Variants in ADAR observed in about 807,000 individuals in gnomAD.
The protein encoded by ADAR is adenosine deaminase RNA specific.
ADAR carries 41 observed loss-of-function variants against 113.2 expected under a neutral mutation model. The ratio of observed to expected loss-of-function variants is 0.36; its 90% CI spans 0.28 to 0.47. ADAR has a LOEUF of 0.47. Among genes scored for constraint, ADAR ranks in the 20% least tolerant of loss-of-function variants. ADAR has a pLI of 1.00. For synonymous variants in ADAR, 605 were observed against 572.6 expected, an observed-to-expected ratio of 1.06 and a Z score of -0.81; for missense variants, 1,242 against 1,540.9, an observed-to-expected ratio of 0.81 and a Z score of 3.25.
In ADAR at chr1:154,584,969, T is replaced by C; in HGVS notation, c.3518A>G (p.Tyr1173Cys). 3.1e-6 allele frequency: 5 copies of C among 1,614,162 alleles called. No individual in the cohort carries two copies. Among genetic ancestry groups the C allele is most frequent in the Non-Finnish European group, 4.2e-6 (5 of 1,180,042 alleles). ...LLFKKLCSFR[Y>C]RRDLLRLSYG... ...GGAGAGTCTCAGTAGATCCCTGCGG[T>C]AACGGAAGGAGCAGAGCTTCTTAAA... is the stretch of plus-strand genomic sequence containing the variant. Residue 1173 changes from tyrosine to cysteine, a missense_variant, in exon 15 of 15, where the codon TAC becomes TGC. Transcript: ENST00000368474.
chr1:154,590,141 A>AGGCC, intron 7 of ADAR, 43 bp downstream of exon 7: 2 of 760,858 alleles, frequency 2.6e-6, no homozygotes, highest in Non-Finnish European at 2.2e-6. Context: ...AGTTAGGAGG[A>AGGCC]CCCCCCCGCC....
At chr1:154,604,287 T>C (rs1557891907) in intron 1 of ADAR, among the ~76,000 whole-genome samples, 1 of 152,240 alleles carries the variant, frequency 6.6e-6, no homozygotes, top group Non-Finnish European at 1.5e-5. Context: ...TTCTACAACT[T>C]CACTCCTTAC....
intron 6 of ADAR, among the ~76,000 whole-genome samples, chr1:154,590,937 C>T (rs887833640): frequency 1.3e-5 from 2 of 151,984 alleles, no homozygotes; most frequent in East Asian, 3.8e-4. Flanking sequence ...CTGCGCGAGA[C>T]AGCAAGATCC....
At chr1:154,606,449 A>T (rs541841586) in intron 1 of ADAR, among the ~76,000 whole-genome samples, 30 of 152,272 alleles carry the variant, frequency 2.0e-4, no homozygotes, top group African/African-American at 7.0e-4. Flanking sequence ...GTACATTATA[A>T]TTTTTTTCCC....
rs1268584120 is a variant in ADAR at position 154,583,162 on chromosome 1, G to A, written c.*1644C>T. The A allele has an allele frequency of 6.6e-6, 1 of 152,180 alleles. No individual in the cohort carries two copies. The highest frequency in any genetic ancestry group is 1.5e-5 in the Non-Finnish European group (1 of 68,024). The allele number at this position is 152,180 out of a possible 1,614,324, so 9.4% of individuals were successfully genotyped here. On this transcript the variant is annotated 3_prime_UTR_variant, in exon 15 of 15. Transcript: ENST00000368474. ...AAGGAGAGAGGCAGGCTCAGCTCCT[G>A]AAGGTCGCAGAGCCTCAGTAGTCCT...
chr1:154,627,918 T>TCCCCCC (rs758896648), exon 1 of ADAR: 72 of 399,492 alleles, frequency 1.8e-4, no homozygotes, highest in South Asian at 4.0e-4. Context: ...GCCGCGACCC[T>TCCCCCC]CCCCCCACCC....
chr1:154,589,666 C>G (rs931634512), intron 8 of ADAR, 91 bp downstream of exon 8: 8 of 1,516,558 alleles, frequency 5.3e-6, no homozygotes, highest in Non-Finnish European at 7.3e-6. Flanking sequence ...TTCTCCCTGC[C>G]TTGGACTTAC....
chr1:154,623,926 C>CT (rs1229699609), intron 1 of ADAR, among the ~76,000 whole-genome samples: 4 of 151,768 alleles, frequency 2.6e-5, no homozygotes, highest in African/African-American at 9.7e-5. Flanking sequence ...TCACTTGAAC[C>CT]TGGGAGGTGG....
chr1:154,587,130 G>A (rs1472020813), intron 11 of ADAR, among the ~76,000 whole-genome samples: 1 of 152,144 alleles, frequency 6.6e-6, no homozygotes, highest in East Asian at 1.9e-4. Flanking sequence ...CATTGGCGCA[G>A]TCACTCCTCA....
rs544656502 is a variant in ADAR, at chr1:154,590,717, G to T, written c.2271-308C>A. On this transcript the variant is annotated intron_variant, in intron 6 of 14. Transcript: ENST00000368474. The stretch of plus-strand genomic sequence containing the variant: ...GAGCTAAGGTGGGAGATCACTTGAG[G>T]CCAGGAGTTCAAGACCAGCCTGGGC... 1.2e-4 allele frequency among the ~76,000 whole-genome samples: 18 copies of T among 151,886 alleles called. No individual in the cohort carries two copies. In the East Asian group the frequency reaches 3.5e-3, roughly 29 times the overall value.
chr1:154,586,106 G>A, intron 12 of ADAR, 75 bp downstream of exon 12: 2 of 1,565,002 alleles, frequency 1.3e-6, no homozygotes, highest in Non-Finnish European at 1.8e-6. Flanking sequence ...AAAACACCTG[G>A]CAATAAAGCA....
At chr1:154,622,890 G>A (rs561890473) in intron 1 of ADAR, among the ~76,000 whole-genome samples, 1 of 89,952 alleles carries the variant, frequency 1.1e-5, no homozygotes. Context: ...AGGTAGTTTT[G>A]TTTTGCTTTG....
At chr1:154,589,069 A>G (rs1355504841) in intron 9 of ADAR, among the ~76,000 whole-genome samples, 3 of 152,228 alleles carry the variant, frequency 2.0e-5, no homozygotes, top group Non-Finnish European at 4.4e-5. Flanking sequence ...CCTCATCCTC[A>G]AGGCCCTGAG....
intron 6 of ADAR, among the ~76,000 whole-genome samples, chr1:154,592,474 G>C (rs901318774): frequency 6.6e-6 from 1 of 152,234 alleles, no homozygotes; most frequent in Non-Finnish European, 1.5e-5. Flanking sequence ...GATCAGTTAG[G>C]AGGCTATTGT....
rs1423795702 is a variant in ADAR at position 154,597,891 on chromosome 1, T to C, written c.1871A>G (p.His624Arg). 2.5e-6 allele frequency: 4 copies of C among 1,614,118 alleles called. No individual in the cohort carries two copies. Among genetic ancestry groups the C allele is most frequent in the Non-Finnish European group, 3.4e-6 (4 of 1,180,030 alleles). Reference protein sequence around the residue: ...SPVTTLLECMHKLGNSCEFRL... With the variant: ...SPVTTLLECMRKLGNSCEFRL... ...GAATTCGCAGGAGTTCCCCAATTTG[T>C]GCATACACTCAAGCAGTGTGGTGAC... Residue 624 changes from histidine to arginine, a missense_variant, in exon 4 of 15, where the codon CAC (histidine) becomes CGC (arginine). Physicochemically the swap from His to Arg is conservative, Grantham distance 29. Around this residue, in one of 2 missense-constraint regions of ADAR, gnomAD observed 780 missense variants for 1,057.9 expected, o/e 0.74. Transcript: ENST00000368474.
At chr1:154,623,922 GAA>G (rs1698862815) in intron 1 of ADAR, among the ~76,000 whole-genome samples, 1 of 151,952 alleles carries the variant, frequency 6.6e-6, no homozygotes, top group African/African-American at 2.4e-5. Flanking sequence ...AGAATCACTT[GAA>G]CCTGGGAGGT....
In ADAR at chr1:154,598,541, G is replaced by C; in HGVS notation, c.1646C>G (p.Ala549Gly). 6.2e-7 allele frequency: 1 copy of C among 1,614,212 alleles called. No homozygotes were observed. Among genetic ancestry groups the C allele is most frequent in the Admixed American group, 1.7e-5 (1 of 60,020 alleles). ...GGCCACTTTCTTGCTTCCAGCTTCA[G>C]CTGGGGGAAACTCTCGGCCATTGAT... The part of the protein sequence containing the change: ...VVINGREFPP[A>G]EAGSKKVAKQ... Residue 549 changes from alanine (A) to glycine (G), a missense_variant, in exon 3 of 15, where the codon GCT becomes GGT. Ala to Gly is a moderately conservative substitution (Grantham distance 60). Around this residue, in one of 2 missense-constraint regions of ADAR, gnomAD observed 780 missense variants for 1,057.9 expected, o/e 0.74. Coordinates refer to ENST00000368474, the MANE Select transcript of ADAR (RefSeq NM_001111.5).
upstream of ADAR, among the ~76,000 whole-genome samples, chr1:154,611,803 G>A (rs1289494234): frequency 1.3e-5 from 2 of 152,172 alleles, no homozygotes; most frequent in Non-Finnish European, 2.9e-5. Context: ...CCACCTAAAT[G>A]ATTAAGAGTT....
At chr1:154,621,185 T>A (rs1217286850) in intron 1 of ADAR, among the ~76,000 whole-genome samples, 1 of 152,200 alleles carries the variant, frequency 6.6e-6, no homozygotes, top group African/African-American at 2.4e-5. Flanking sequence ...TAATTAAAAC[T>A]GATTTTATTT....
Sources: allele counts gnomAD v4.1 joint callset (sites outside exome capture counted in the v4.1 genomes callset), GRCh38; gene constraint gnomAD v4.1.1; regional missense constraint gnomAD v4.1.1; transcripts MANE v1.5; gene names NCBI Gene and HGNC (gene_info 2026-07-23, HGNC 2026-07-21).